The following PLOD3 variants were observed in gnomAD, a reference collection of about 807,000 sequenced individuals.
PLOD3 encodes the protein procollagen-lysine,2-oxoglutarate 5-dioxygenase 3.
In PLOD3, 73 loss-of-function variants were observed where a neutral mutation model predicts 96.9. The observed-to-expected ratio is 0.75, with a 90% CI of 0.62 to 0.92. The LOEUF is 0.92. Among genes scored for constraint, PLOD3 ranks in the 40% least tolerant of loss-of-function variants. The pLI is 0.00. For missense variants in PLOD3, 1,004 were observed against 1,004.3 expected (o/e 1.00, Z 0.00); for synonymous variants, 454 against 413.7 (o/e 1.10, Z -1.18).
In PLOD3 at chr7:101,216,405, G is replaced by C. The variant is rs368208756; in HGVS notation, c.338+5C>G. ...TACCCCGCTCCCTATCCCCAGCCCC[G>C]TTACCTATCCACAAACATGATGATC... On this transcript the variant is annotated splice_donor_5th_base_variant and intron_variant, in intron 3 of 18. Coordinates refer to ENST00000223127, the MANE Select transcript of PLOD3 (RefSeq NM_001084.5). 4.3e-6 allele frequency: 7 copies of C among 1,614,078 alleles called. No individual in the cohort carries two copies. Among genetic ancestry groups the C allele is most frequent in the Non-Finnish European group, 5.9e-6 (7 of 1,180,010 alleles).
chr7:101,206,815 G>A lies in PLOD3; in HGVS notation c.2025C>T (p.Leu675=), dbSNP rs1377568286. 2.5e-6 allele frequency: 4 copies of A among 1,580,808 alleles called. No individual in the cohort carries two copies. The highest frequency in any genetic ancestry group is 2.7e-5 in the African/African-American group (2 of 74,356). Residue 675 remains leucine, a synonymous_variant, in exon 18 of 19, where the codon CTC becomes CTT. Transcript: ENST00000223127. ...RPHHDSSTFT[L]NVALNHKGLD... ...GGCCCTTGTGGTTGAGGGCAACGTTGAGGGTGAAGGTGGATGAGTCGTGGT... is the reference window on the plus strand; with the variant it reads ...GGCCCTTGTGGTTGAGGGCAACGTTAAGGGTGAAGGTGGATGAGTCGTGGT...
Position 101,206,371 on chromosome 7 carries a change from G to A in PLOD3, c.2127C>T (p.Leu709=), listed in dbSNP as rs151277128. 1 of 1,613,652 alleles carries A rather than the reference G, an allele frequency of 6.2e-7. No individual in the cohort carries two copies. The highest frequency in any genetic ancestry group is 8.5e-7 in the Non-Finnish European group (1 of 1,179,780). ...VISSPRKGWA[L]LHPGRLTHYH... is the part of the protein sequence containing the mutation. Reference sequence around the variant, plus strand: ...AGTGGGTGAGGCGGCCGGGGTGCAGGAGTGCCCAGCCCTTCCTCGGGGAGG... The same window carrying A: ...AGTGGGTGAGGCGGCCGGGGTGCAGAAGTGCCCAGCCCTTCCTCGGGGAGG... Residue 709 remains leucine (L), a synonymous_variant, in exon 19 of 19, where the codon CTC becomes CTT. Transcript: ENST00000223127.
chr7:101,206,304 T>C lies in PLOD3; in HGVS notation c.2194A>G (p.Met732Val). The C allele has an allele frequency of 2.5e-6, 4 of 1,613,830 alleles. No homozygotes were observed. The highest frequency in any genetic ancestry group is 1.1e-5 in the South Asian group (1 of 91,060). Residue 732 changes from methionine to valine, a missense_variant, in exon 19 of 19, where the codon ATG becomes GTG. Coordinates refer to ENST00000223127, the MANE Select transcript of PLOD3 (RefSeq NM_001084.5). ...TGTCAGGGGTCGACAAAGGACACCA[T>C]GATGTAGCGTGTGCCCCAGGTCGTT... ...LPTTWGTRYI[M>V]VSFVDP
intron 5 of PLOD3, among the ~76,000 whole-genome samples, 155 bp from the exon 6 acceptor site, chr7:101,215,307 G>T (rs529417131): frequency 3.3e-5 from 5 of 152,164 alleles, no homozygotes; most frequent in African/African-American, 1.2e-4. Flanking sequence ...TCTGCCTCCC[G>T]GTTTAATTGA....
At chr7:101,207,168 G>A (rs1024460854) in intron 17 of PLOD3, among the ~76,000 whole-genome samples, 27 of 152,178 alleles carry the variant, frequency 1.8e-4, no homozygotes, top group African/African-American at 6.0e-4. Context: ...TAGAGACGAG[G>A]TTTCACCATC....
chr7:101,212,295 G>A lies in PLOD3; in HGVS notation c.1085C>T (p.Pro362Leu), dbSNP rs201666755. The stretch of plus-strand genomic sequence containing the variant: ...CTCGCCTGGGCTCAGAGCCTCCTCC[G>A]GCCCCACGAGCTTCACAGCTGAGAA... ...DHFSAVKLVGPEEALSPGEAR... is the reference protein window; with the variant it reads ...DHFSAVKLVGLEEALSPGEAR... Residue 362 changes from proline to leucine, a missense_variant, in exon 10 of 19, where the codon CCG becomes CTG. Coordinates refer to ENST00000223127, the MANE Select transcript of PLOD3 (RefSeq NM_001084.5). The A allele has an allele frequency of 1.2e-4, 190 of 1,613,684 alleles. No individual in the cohort carries two copies. Among genetic ancestry groups the A allele is most frequent in the Non-Finnish European group, 1.4e-4 (163 of 1,179,998 alleles).
In PLOD3 at chr7:101,216,798, G is replaced by A. The variant is rs778737610; in HGVS notation, c.110-12C>T. 2.5e-6 allele frequency: 4 copies of A among 1,596,632 alleles called. No homozygotes were observed. The highest frequency in any genetic ancestry group is 3.3e-5 in the Admixed American group (2 of 59,844). ...CACCAGCAGCTTCTCTGTTACCAGAGGGAAATGGCACTTGAGATCCACCGC... is the reference window on the plus strand; with the variant it reads ...CACCAGCAGCTTCTCTGTTACCAGAAGGAAATGGCACTTGAGATCCACCGC... On this transcript the variant is annotated splice_polypyrimidine_tract_variant and intron_variant, in intron 1 of 18. Transcript: ENST00000223127.
chr7:101,209,765 TTCTGGCC>T (rs1276608393), intron 15 of PLOD3: 1 of 268,374 alleles, frequency 3.7e-6, no homozygotes, highest in African/African-American at 2.2e-5. Flanking sequence ...GGTCTTGGAC[TTCTGGCC>T]TCAACCGATC....
chr7:101,215,367 C>A (rs558472919), intron 5 of PLOD3, among the ~76,000 whole-genome samples: 64 of 152,332 alleles, frequency 4.2e-4, no homozygotes, highest in African/African-American at 1.5e-3. Flanking sequence ...AGAGTGTCAC[C>A]ACGCCTGGCT....
Position 101,210,170 on chromosome 7 carries a change from G to C in PLOD3, c.1615-9C>G, listed in dbSNP as rs200971537. On this transcript the variant is annotated splice_polypyrimidine_tract_variant and intron_variant, in intron 14 of 18. Transcript: ENST00000223127. ...TACTGCTCCTTCCAGTCCTGTGAGA[G>C]GGTGGGGGGCACATCAGATCTGTGC... The C allele has an allele frequency of 1.9e-6, 3 of 1,600,646 alleles. No homozygotes were observed. Among genetic ancestry groups the C allele is most frequent in the Non-Finnish European group, 2.6e-6 (3 of 1,172,400 alleles).
Position 101,216,269 on chromosome 7 carries a change from A to G in PLOD3, c.396T>C (p.Ser132=). The G allele has an allele frequency of 6.2e-7, 1 of 1,613,482 alleles. No homozygotes were observed. The highest frequency in any genetic ancestry group is 8.5e-7 in the Non-Finnish European group (1 of 1,179,986). The change falls in exon 4 of 19, where the codon AGT becomes AGC. Residue 132 remains serine (S), a synonymous_variant. Transcript: ENST00000223127. The stretch of plus-strand genomic sequence containing the variant: ...CTGCAGAGAAGAGCAGGCGGCTGCC[A>G]CTCTGGACGAACTTCTTCAGCAGCT... The part of the protein sequence containing the change: ...PTELLKKFVQ[S]GSRLLFSAES...
At chr7:101,209,004 G>A (rs779078200) in intron 15 of PLOD3, 47 bp from the exon 16 acceptor site, 13 of 1,330,714 alleles carry the variant, frequency 9.8e-6, no homozygotes, top group East Asian at 6.9e-5. Context: ...GCCGCAGAAC[G>A]GGGAAGGGGA....
chr7:101,210,232 CCACT>C, intron 14 of PLOD3, 71 bp from the exon 15 acceptor site: 2 of 1,478,530 alleles, frequency 1.4e-6, no homozygotes. Flanking sequence ...CCGCCCCCTC[CCACT>C]CAGTGTCCTG....
In PLOD3 at chr7:101,215,094, G is replaced by C. The variant is rs1798247323; in HGVS notation, c.674C>G (p.Ala225Gly). 6.2e-7 allele frequency: 1 copy of C among 1,611,278 alleles called. No homozygotes were observed. Among genetic ancestry groups the C allele is most frequent in the African/African-American group, 1.3e-5 (1 of 74,902 alleles). ...GCGGCTGTCTTCCTCCTCACCTAAA[G>C]CCCCGTTGAGGTTCTGAAAGATCCG... is the stretch of plus-strand genomic sequence containing the variant. The part of the protein sequence containing the change: ...KSRIFQNLNG[A>G]LDEVVLKFDR... Residue 225 changes from alanine to glycine, a missense_variant, in exon 6 of 19, where the codon GCT (alanine) becomes GGT (glycine). Ala to Gly is a moderately conservative substitution (Grantham distance 60, BLOSUM62 0). Transcript: ENST00000223127.
intron 1 of PLOD3, 29 bp downstream of exon 1, chr7:101,217,137 G>T: frequency 6.9e-7 from 1 of 1,445,406 alleles, no homozygotes; most frequent in South Asian, 1.4e-5. Flanking sequence ...CTGCCCCCTC[G>T]GCCGTGCCGG....
rs565603247 is a variant in PLOD3 at position 101,212,893 on chromosome 7, C to T, written c.828G>A (p.Glu276=). The change falls in exon 8 of 19, where the codon GAG becomes GAA. Residue 276 remains glutamate, a synonymous_variant. Coordinates refer to ENST00000223127, the MANE Select transcript of PLOD3 (RefSeq NM_001084.5). ...CCTGGTTGCAGAAGCCACAGCCTCCCTCAGGAGTCCAGCCATTGGGGACGT... is the reference window on the plus strand; with the variant it reads ...CCTGGTTGCAGAAGCCACAGCCTCCTTCAGGAGTCCAGCCATTGGGGACGT... ...GNYVPNGWTP[E]GGCGFCNQDR... 7 of 1,613,906 alleles carry T rather than the reference C, an allele frequency of 4.3e-6. No individual in the cohort carries two copies. In the East Asian group the frequency reaches 1.3e-4, roughly 31 times the overall value.
intron 6 of PLOD3, 53 bp from the exon 7 acceptor site, chr7:101,213,257 G>T: frequency 8.5e-7 from 1 of 1,175,116 alleles, no homozygotes; most frequent in Non-Finnish European, 1.3e-6. Context: ...GAGCTACCAA[G>T]CAACACATTC....
intron 6 of PLOD3, among the ~76,000 whole-genome samples, chr7:101,214,484 A>G (rs1322575867): frequency 6.6e-6 from 1 of 151,982 alleles, no homozygotes; most frequent in African/African-American, 2.4e-5. Context: ...ACCCCTCCAC[A>G]AGCTGTTTTC....
chr7:101,214,228 G>C (rs1798233007), intron 6 of PLOD3, among the ~76,000 whole-genome samples: 1 of 151,776 alleles, frequency 6.6e-6, no homozygotes, highest in Non-Finnish European at 1.5e-5. Flanking sequence ...CCGGGTTCCA[G>C]TGATTCTCCT....
Sources: gnomAD v4.1 joint callset for allele counts (sites outside exome capture counted in the v4.1 genomes callset) on GRCh38, gnomAD v4.1.1 for gene constraint, MANE v1.5 for transcripts, NCBI Gene and HGNC (gene_info 2026-07-23, HGNC 2026-07-21) for gene names.